KLF12: variants seen among roughly 807,000 people sequenced by gnomAD.
KLF12 encodes Krueppel-like factor 12.
In KLF12, 9 loss-of-function variants were observed where a neutral mutation model predicts 37.8. That is an observed-to-expected ratio of 0.24 (90% CI 0.14 to 0.42). The LOEUF is 0.42. KLF12 is among the 10% of genes least tolerant of loss of function. The pLI is 1.00. For missense variants in KLF12, 411 were observed against 516.0 expected (o/e 0.80, Z 1.97); for synonymous variants, 208 against 202.1 (o/e 1.03, Z -0.25).
At chr13:73,829,741 C>T (rs1418260978) in intron 4 of KLF12, among the ~76,000 whole-genome samples, 1 of 151,940 alleles carries the variant, frequency 6.6e-6, no homozygotes, top group Admixed American at 6.6e-5. Context: ...TCCCCAGTAT[C>T]TTTTCTGGAA....
chr13:73,840,710 T>C (rs1351381262), intron 4 of KLF12, among the ~76,000 whole-genome samples: 1 of 152,168 alleles, frequency 6.6e-6, no homozygotes, highest in Non-Finnish European at 1.5e-5. Flanking sequence ...GTAAAACGGA[T>C]CATGTCACCC....
chr13:73,954,241 G>A (rs1169641402), intron 2 of KLF12, among the ~76,000 whole-genome samples: 1 of 152,076 alleles, frequency 6.6e-6, no homozygotes, highest in Non-Finnish European at 1.5e-5. Context: ...GCCTCCCAAA[G>A]TGCTGGGATT....
intron 1 of KLF12, among the ~76,000 whole-genome samples, chr13:74,114,672 G>C (rs1877186860): frequency 6.6e-6 from 1 of 152,144 alleles, no homozygotes; most frequent in African/African-American, 2.4e-5. Flanking sequence ...AGATATGGCA[G>C]CATCAAGTTG....
chr13:73,784,689 G>A (rs1252337281), intron 5 of KLF12, among the ~76,000 whole-genome samples: 2 of 148,568 alleles, frequency 1.3e-5, no homozygotes, highest in Non-Finnish European at 3.0e-5. Context: ...GGAGTGCAGT[G>A]GCACGATCTA....
chr13:74,229,442 C>A, the KLF12 span, among the ~76,000 whole-genome samples: 6 of 152,116 alleles, frequency 3.9e-5, no homozygotes, highest in African/African-American at 1.4e-4. Flanking sequence ...CTGTACTTTC[C>A]TCAGCCCCAT....
chr13:74,250,169 G>A, the KLF12 span, among the ~76,000 whole-genome samples: 1 of 152,198 alleles, frequency 6.6e-6, no homozygotes, highest in Non-Finnish European at 1.5e-5. Context: ...GTCATACTTT[G>A]AGAGGGAAGA....
intron 2 of KLF12, among the ~76,000 whole-genome samples, chr13:73,967,804 G>C (rs1891213496): frequency 1.3e-5 from 2 of 152,156 alleles, no homozygotes; most frequent in African/African-American, 4.8e-5. Flanking sequence ...GAAGGCAAGG[G>C]ACATAAGTTA....
intron 5 of KLF12, among the ~76,000 whole-genome samples, chr13:73,788,939 G>T (rs1452789443): frequency 1.3e-5 from 2 of 152,118 alleles, no homozygotes; most frequent in African/African-American, 2.4e-5. Flanking sequence ...TCATTCTAAA[G>T]AAAATTTCAC....
the KLF12 span, among the ~76,000 whole-genome samples, chr13:74,195,493 G>T: frequency 2.0e-5 from 3 of 152,296 alleles, no homozygotes; most frequent in Admixed American, 2.0e-4. Flanking sequence ...CTCTGTTAAG[G>T]TTGGGAGGTA....
intron 4 of KLF12, among the ~76,000 whole-genome samples, chr13:73,822,770 T>C (rs992228244): frequency 3.3e-5 from 5 of 152,186 alleles, no homozygotes; most frequent in African/African-American, 9.7e-5. Flanking sequence ...TAAAAGTTCA[T>C]AAAATTTTCC....
chr13:74,111,428 G>A (rs1407276894), intron 1 of KLF12, among the ~76,000 whole-genome samples: 1 of 151,972 alleles, frequency 6.6e-6, no homozygotes, highest in Admixed American at 6.6e-5. Flanking sequence ...CACCTTATAA[G>A]AGGCTTCTTT....
At chr13:74,236,199 G>T in the KLF12 span, among the ~76,000 whole-genome samples, 1 of 138,556 alleles carries the variant, frequency 7.2e-6, no homozygotes, top group Non-Finnish European at 1.5e-5. Context: ...GCGGTGTTTG[G>T]TTTTTTGTTC....
rs139648498 is a variant in KLF12, at chr13:73,967,633, C to T, written c.34-23563G>A. ...TCATCCAGTCATAAGGCAGGTCTGT[C>T]TCTTCATCAATAAGCCTCACTTATA... On this transcript the variant is annotated intron_variant, in intron 2 of 7. Coordinates refer to ENST00000377669, the MANE Select transcript of KLF12 (RefSeq NM_007249.5). Among the ~76,000 whole-genome samples the T allele has an allele frequency of 4.6e-5, 7 of 152,300 alleles. No homozygotes were observed. In the East Asian group the frequency reaches 1.3e-3, roughly 29 times the overall value.
chr13:74,072,398 TATATATATAA>T (rs1352002375), intron 1 of KLF12, among the ~76,000 whole-genome samples: 1 of 125,368 alleles, frequency 8.0e-6, no homozygotes, highest in African/African-American at 3.1e-5. Flanking sequence ...TATATATATA[TATATATATAA>T]AAGATTATCT....
chr13:73,794,375 C>T (rs1283335631), intron 5 of KLF12, among the ~76,000 whole-genome samples: 3 of 152,176 alleles, frequency 2.0e-5, no homozygotes, highest in African/African-American at 4.8e-5. Context: ...GTATGAGAAT[C>T]GCTTGAACCC....
At chr13:74,089,603 C>A (rs1042036448) in intron 1 of KLF12, among the ~76,000 whole-genome samples, 3 of 151,660 alleles carry the variant, frequency 2.0e-5, no homozygotes, top group African/African-American at 7.3e-5. Context: ...ATACCATGGC[C>A]AACTGGGATT....
At chr13:73,853,124 C>T (rs1885423451) in intron 3 of KLF12, among the ~76,000 whole-genome samples, 1 of 152,094 alleles carries the variant, frequency 6.6e-6, no homozygotes, top group Non-Finnish European at 1.5e-5. Context: ...CCCTCGGCCT[C>T]CCAAAGTGCT....
chr13:73,708,464 C>A (rs1328161532), intron 7 of KLF12, among the ~76,000 whole-genome samples: 1 of 152,138 alleles, frequency 6.6e-6, no homozygotes, highest in African/African-American at 2.4e-5. Context: ...CTGCAGAACA[C>A]TGATAATGTC....
At chr13:74,127,798 T>C (rs1878027369) in intron 1 of KLF12, among the ~76,000 whole-genome samples, 1 of 152,216 alleles carries the variant, frequency 6.6e-6, no homozygotes, top group Non-Finnish European at 1.5e-5. Flanking sequence ...GAATAACATA[T>C]AGCATGTTGC....
Sources: gnomAD v4.1 joint callset for allele counts (sites outside exome capture counted in the v4.1 genomes callset) on GRCh38, gnomAD v4.1.1 for gene constraint, MANE v1.5 for transcripts, NCBI Gene and HGNC (gene_info 2026-07-23, HGNC 2026-07-21) for gene names.